DGKH: variants seen among roughly 807,000 people sequenced by gnomAD.
DGKH encodes DAG kinase eta.
DGKH carries 90 observed loss-of-function variants against 159.3 expected under a neutral mutation model. That is an observed-to-expected ratio of 0.57 (90% CI 0.48 to 0.67). The LOEUF is 0.67. Ranked by LOEUF, DGKH falls within the 30% of genes least tolerant of loss-of-function variation. The pLI is 0.00. For synonymous variants in DGKH, 536 were observed against 553.8 expected, an observed-to-expected ratio of 0.97 and a Z score of 0.45; for missense variants, 1,181 against 1,506.1, an observed-to-expected ratio of 0.78 and a Z score of 3.57.
At chr13:42,255,763 A>G (rs946351030) in intron 30 of DGKH, 6 of 454,074 alleles carry the variant, frequency 1.3e-5, no homozygotes, top group African/African-American at 4.0e-5. Flanking sequence ...CGAACTTCTC[A>G]GAAGAAAATA....
intron 20 of DGKH, 48 bp from the exon 21 acceptor site, chr13:42,205,988 TCTG>T: frequency 8.6e-7 from 1 of 1,165,574 alleles, no homozygotes; most frequent in Non-Finnish European, 1.1e-6. Flanking sequence ...TACTAGTGGT[TCTG>T]CTCTTTTTAT....
At chr13:42,096,840 A>G (rs563427288) in intron 1 of DGKH, among the ~76,000 whole-genome samples, 2 of 152,310 alleles carry the variant, frequency 1.3e-5, no homozygotes, top group South Asian at 2.1e-4. Context: ...TCAGGGACCA[A>G]TGAGTTTGAT....
chr13:42,101,408 G>A (rs1306877503), intron 1 of DGKH, among the ~76,000 whole-genome samples: 1 of 152,228 alleles, frequency 6.6e-6, no homozygotes, highest in East Asian at 1.9e-4. Flanking sequence ...CTAGCTACAT[G>A]TGGCTATTTA....
intron 3 of DGKH, among the ~76,000 whole-genome samples, chr13:42,149,208 C>T (rs1440782261): frequency 6.6e-6 from 1 of 152,100 alleles, no homozygotes; most frequent in Non-Finnish European, 1.5e-5. Flanking sequence ...GGATTACAGA[C>T]ATGAGGCATC....
At chr13:42,249,126 C>T (rs1294670569) in intron 29 of DGKH, among the ~76,000 whole-genome samples, 1 of 152,072 alleles carries the variant, frequency 6.6e-6, no homozygotes, top group African/African-American at 2.4e-5. Context: ...GTAATCCCAG[C>T]ATGTTGAGAG....
intron 1 of DGKH, among the ~76,000 whole-genome samples, chr13:42,043,559 T>G (rs1880639628): frequency 6.6e-6 from 1 of 152,086 alleles, no homozygotes; most frequent in Admixed American, 6.5e-5. Context: ...CTCAAACTTG[T>G]GGCCTTAAGA....
At chr13:42,253,317 A>G (rs755818043) in intron 30 of DGKH, among the ~76,000 whole-genome samples, 3 of 152,106 alleles carry the variant, frequency 2.0e-5, no homozygotes, top group Admixed American at 6.5e-5. Context: ...TAACCCTTCC[A>G]CCATGTGCGG....
intron 1 of DGKH, among the ~76,000 whole-genome samples, chr13:42,117,114 G>T (rs1234249628): frequency 6.6e-6 from 1 of 152,046 alleles, no homozygotes; most frequent in Non-Finnish European, 1.5e-5. Context: ...GGAGGAGGGG[G>T]GAGTTAATGC....
At chr13:42,166,737 G>A in intron 9 of DGKH, 63 bp downstream of exon 9, 6 of 1,345,410 alleles carry the variant, frequency 4.5e-6, no homozygotes, top group Non-Finnish European at 5.8e-6. Flanking sequence ...AATGTGTTTG[G>A]TTTTTCAGCT....
intron 25 of DGKH, among the ~76,000 whole-genome samples, chr13:42,214,879 CT>C (rs1056944261): frequency 2.0e-5 from 3 of 151,902 alleles, no homozygotes; most frequent in Admixed American, 2.0e-4. Context: ...CTTTTTTGAA[CT>C]TTAATCGTCC....
chr13:42,064,014 C>T (rs1566082136), intron 1 of DGKH, among the ~76,000 whole-genome samples: 1 of 151,074 alleles, frequency 6.6e-6, no homozygotes, highest in Non-Finnish European at 1.5e-5. Context: ...TTAAATGATG[C>T]AAAAAAAGAG....
chr13:42,060,887 G>A (rs1323721621), intron 1 of DGKH, among the ~76,000 whole-genome samples: 1 of 152,194 alleles, frequency 6.6e-6, no homozygotes, highest in South Asian at 2.1e-4. Context: ...CAAGTGACTT[G>A]TTTGATGCCT....
At chr13:42,058,796 T>C (rs960151543) in intron 1 of DGKH, among the ~76,000 whole-genome samples, 2 of 152,216 alleles carry the variant, frequency 1.3e-5, no homozygotes, top group African/African-American at 4.8e-5. Context: ...CTCCATGCCT[T>C]ATGTTTTCCC....
intron 11 of DGKH, 100 bp from the exon 12 acceptor site, chr13:42,173,960 C>A: frequency 3.4e-6 from 2 of 592,646 alleles, no homozygotes; most frequent in Non-Finnish European, 5.8e-6. Context: ...TGTGTGTGTG[C>A]GTGCGTGTGT....
chr13:42,168,159 C>T (rs534372648), intron 9 of DGKH, among the ~76,000 whole-genome samples: 1 of 152,298 alleles, frequency 6.6e-6, no homozygotes, highest in East Asian at 1.9e-4. Context: ...TCTTGTATTA[C>T]TTTACCTTTC....
intron 13 of DGKH, among the ~76,000 whole-genome samples, chr13:42,183,590 G>A (rs1305636323): frequency 6.6e-6 from 1 of 152,162 alleles, no homozygotes; most frequent in Non-Finnish European, 1.5e-5. Flanking sequence ...ATTCCCAGTA[G>A]CCTTAACTGT....
intron 1 of DGKH, among the ~76,000 whole-genome samples, chr13:42,094,681 T>A (rs1954487496): frequency 6.6e-6 from 1 of 152,234 alleles, no homozygotes; most frequent in African/African-American, 2.4e-5. Context: ...AAAGGAGATT[T>A]AAATTTTTAT....
At position 42,230,821 on chromosome 13, in the gene DGKH, G is replaced by A. The variant is rs570304356; in HGVS notation, c.*1633G>A. The A allele has an allele frequency of 7.2e-5, 11 of 152,018 alleles. No individual in the cohort carries two copies. Among genetic ancestry groups the A allele is most frequent in the African/African-American group, 2.4e-4 (10 of 41,464 alleles). 9.4% of individuals were successfully genotyped at this position (152,018 alleles called of 1,614,324 possible). A position where few individuals can be genotyped will look rare whatever the true frequency, so the allele number is the denominator to read the frequency against. On this transcript the variant is annotated 3_prime_UTR_variant, in exon 30 of 30. Coordinates refer to ENST00000337343, the MANE Select transcript of DGKH (RefSeq NM_178009.5). The stretch of plus-strand genomic sequence containing the variant: ...TGTTTAAAGAGAAATACTAATAGGC[G>A]AGCATTTAAAATGAACTATTGTCAG...
At chr13:42,094,771 CA>C (rs1175597792) in intron 1 of DGKH, among the ~76,000 whole-genome samples, 1 of 152,116 alleles carries the variant, frequency 6.6e-6, no homozygotes, top group Non-Finnish European at 1.5e-5. Context: ...TCCACAGTCT[CA>C]AAAAGAGTGC....
Sources: allele counts gnomAD v4.1 joint callset (sites outside exome capture counted in the v4.1 genomes callset), GRCh38; gene constraint gnomAD v4.1.1; transcripts MANE v1.5; gene names NCBI Gene and HGNC (gene_info 2026-07-23, HGNC 2026-07-21).